The following NME7 variants were observed in gnomAD, a reference collection of about 807,000 sequenced individuals.
NME7 encodes NME/NM23 family member 7, also known as nucleoside diphosphate kinase 7.
A neutral mutation model predicts 49.1 loss-of-function variants in NME7; 41 were observed. The ratio of observed to expected loss-of-function variants is 0.83; its 90% CI spans 0.65 to 1.08. The LOEUF is 1.08. Among genes scored for constraint, NME7 ranks in the 50% least tolerant of loss-of-function variants. NME7 has a pLI of 0.00. For synonymous variants in NME7, 139 were observed against 150.6 expected (o/e 0.92, Z 0.56); for missense variants, 423 against 463.4 (o/e 0.91, Z 0.80).
In NME7 at chr1:169,275,749, T is replaced by A. The variant is rs937172936; in HGVS notation, c.754+11554A>T. Among the ~76,000 whole-genome samples the A allele has an allele frequency of 6.0e-5, 8 of 133,148 alleles. 2 individuals are homozygous for A. Among genetic ancestry groups the A allele is most frequent in the African/African-American group, 2.0e-4 (8 of 39,424 alleles). 87.4% of individuals were successfully genotyped at this position (133,148 alleles called of 152,430 possible). ...TGAATAGGAGTGGTGAGAGAGGGCA[T>A]CCCTGTCCTGTGCCAGTTTTCAAAT... is the stretch of plus-strand genomic sequence containing the variant. On this transcript the variant is annotated intron_variant, in intron 7 of 11. Transcript: ENST00000367811.
chr1:169,306,944 T>C lies in NME7; in HGVS notation c.389+3026A>G, dbSNP rs190474425. ...AAAGCAAATAGAGCAGAGCCCTGGA[T>C]GATCACTGACAGAGATGTTGAAGTC... is the stretch of plus-strand genomic sequence containing the variant. On this transcript the variant is annotated intron_variant, in intron 4 of 11. Coordinates refer to ENST00000367811, the MANE Select transcript of NME7 (RefSeq NM_013330.5). Among the ~76,000 whole-genome samples, 387 of 152,278 alleles carry C rather than the reference T, an allele frequency of 2.5e-3. 10 individuals carry two copies. The highest frequency in any genetic ancestry group is 0.023 in the Admixed American group (350 of 15,286).
chr1:169,212,549 C>T (rs1660856199), intron 10 of NME7, among the ~76,000 whole-genome samples: 1 of 150,932 alleles, frequency 6.6e-6, no homozygotes, highest in African/African-American at 2.4e-5. Context: ...AGGTGACACT[C>T]TCTGCCTTCT....
chr1:169,146,520 C>T (rs372453806), intron 11 of NME7, among the ~76,000 whole-genome samples: 1 of 152,156 alleles, frequency 6.6e-6, no homozygotes, highest in African/African-American at 2.4e-5. Context: ...CTTTAAATCC[C>T]AGTGACCTCT....
chr1:169,273,730 C>A lies in NME7; in HGVS notation c.754+13573G>T, dbSNP rs1245600084. ...TGCGGTGTTTGGTTTTTTGTCCTTGCGATAGTTTACTGAGAATGATGATTT... is the reference window on the plus strand; with the variant it reads ...TGCGGTGTTTGGTTTTTTGTCCTTGAGATAGTTTACTGAGAATGATGATTT... On this transcript the variant is annotated intron_variant, in intron 7 of 11. Transcript: ENST00000367811. Among the ~76,000 whole-genome samples the A allele has an allele frequency of 4.2e-5, 5 of 119,538 alleles. 2 individuals are homozygous for A. Among genetic ancestry groups the A allele is most frequent in the Non-Finnish European group, 9.9e-5 (5 of 50,658 alleles). The allele number at this position is 119,538 out of a possible 152,430, so 78.4% of individuals were successfully genotyped here. A position where few individuals can be genotyped will look rare whatever the true frequency, so the allele number is the denominator to read the frequency against.
rs918551177 is a variant in NME7, at chr1:169,259,590, G to A, written c.755-21903C>T. On this transcript the variant is annotated intron_variant, in intron 7 of 11. Transcript: ENST00000367811. ...AATTTTTCTACTAAGATGAATTCCT[G>A]AGTAAAACTTAGCATTTCCCACCTC... 3.0e-5 allele frequency among the ~76,000 whole-genome samples: 4 copies of A among 133,746 alleles called. 1 individual carries two copies. Among genetic ancestry groups the A allele is most frequent in the Non-Finnish European group, 7.0e-5 (4 of 56,872 alleles). The allele number at this position is 133,746 out of a possible 152,430, so 87.7% of individuals were successfully genotyped here. A position where few individuals can be genotyped will look rare whatever the true frequency, so the allele number is the denominator to read the frequency against.
In NME7 at chr1:169,261,804, G is replaced by GA. The variant is rs1405271539; in HGVS notation, c.755-24118dup. ...TCTTGGGCTCTACTCCAGATATACTGAAAAAAGATTCTAAAATTAGGGTCC... is the reference window on the plus strand; with the variant it reads ...TCTTGGGCTCTACTCCAGATATACTGAAAAAAAGATTCTAAAATTAGGGTCC... On this transcript the variant is annotated intron_variant, in intron 7 of 11. Coordinates refer to ENST00000367811, the MANE Select transcript of NME7 (RefSeq NM_013330.5). 2.3e-5 allele frequency among the ~76,000 whole-genome samples: 3 copies of GA among 133,278 alleles called. 1 individual carries two copies. The highest frequency in any genetic ancestry group is 7.6e-5 in the African/African-American group (3 of 39,424). 87.4% of individuals were successfully genotyped at this position (133,278 alleles called of 152,430 possible).
intron 6 of NME7, among the ~76,000 whole-genome samples, chr1:169,295,751 T>C (rs563344766): frequency 3.9e-5 from 6 of 152,298 alleles, no homozygotes; most frequent in East Asian, 1.9e-4. Context: ...TAATTCAGTA[T>C]AGCAATCACA....
At chr1:169,325,398 T>C (rs1418467631) in intron 1 of NME7, among the ~76,000 whole-genome samples, 1 of 152,108 alleles carries the variant, frequency 6.6e-6, no homozygotes, top group Admixed American at 6.5e-5. Context: ...GAACAGCAGC[T>C]GGGACCCTTG....
intron 7 of NME7, among the ~76,000 whole-genome samples, chr1:169,240,264 G>A (rs751073117): frequency 1.3e-5 from 2 of 151,682 alleles, no homozygotes; most frequent in Non-Finnish European, 2.9e-5. Context: ...TAAGCCAAAA[G>A]GTCAGGAAGA....
chr1:169,342,540 ATATAG>A lies in NME7; in HGVS notation c.4-18045_4-18041del, dbSNP rs1410493027. On this transcript the variant is annotated intron_variant, in intron 1 of 11. Coordinates refer to ENST00000367811, the MANE Select transcript of NME7 (RefSeq NM_013330.5). The stretch of plus-strand genomic sequence containing the variant: ...ATAGTATATATATACAAGTACATAT[ATATAG>A]TATATATATATATACAAGTACATAT... 4.7e-5 allele frequency among the ~76,000 whole-genome samples: 6 copies of A among 127,788 alleles called. 1 individual carries two copies. The Admixed American group carries it at 5.5e-4, about 12-fold the overall frequency. The allele number at this position is 127,788 out of a possible 152,430, so 83.8% of individuals were successfully genotyped here. A position where few individuals can be genotyped will look rare whatever the true frequency, so the allele number is the denominator to read the frequency against.
intron 10 of NME7, among the ~76,000 whole-genome samples, chr1:169,179,475 T>C (rs1212596827): frequency 1.3e-5 from 2 of 152,210 alleles, no homozygotes; most frequent in African/African-American, 4.8e-5. Flanking sequence ...CTCAAAGGAA[T>C]ATAAACTGTT....
intron 8 of NME7, among the ~76,000 whole-genome samples, chr1:169,236,908 C>G (rs865996875): frequency 2.6e-5 from 4 of 152,036 alleles, no homozygotes; most frequent in East Asian, 1.9e-4. Flanking sequence ...ATCAAAAAAG[C>G]ACAAACTTGC....
intron 2 of NME7, 39 bp downstream of exon 2, chr1:169,324,354 C>T (rs1410264006): frequency 7.7e-7 from 1 of 1,293,426 alleles, no homozygotes; most frequent in African/African-American, 1.5e-5. Flanking sequence ...CCATGTTCAC[C>T]CCCTTTGCCA....
intron 7 of NME7, among the ~76,000 whole-genome samples, chr1:169,277,895 C>A (rs1344655845): frequency 7.2e-6 from 1 of 138,122 alleles, no homozygotes; most frequent in Non-Finnish European, 1.6e-5. Context: ...GTGACAAAAT[C>A]TCTCAGCATT....
chr1:169,147,611 A>G (rs1658795736), intron 11 of NME7, among the ~76,000 whole-genome samples: 2 of 139,756 alleles, frequency 1.4e-5, no homozygotes, highest in Admixed American at 1.4e-4. Context: ...TATACATAAA[A>G]ATAAAAAATC....
intron 1 of NME7, among the ~76,000 whole-genome samples, chr1:169,339,060 A>AT: frequency 6.6e-6 from 1 of 152,274 alleles, no homozygotes; most frequent in Middle Eastern, 3.4e-3. Context: ...GGGACCATAA[A>AT]ATACTCAAAT....
intron 7 of NME7, among the ~76,000 whole-genome samples, chr1:169,269,518 A>G (rs1489685297): frequency 7.5e-6 from 1 of 133,844 alleles, no homozygotes; most frequent in African/African-American, 2.5e-5. Context: ...GAAGGAAATC[A>G]AATATGAAAA....
chr1:169,319,479 CT>C (rs1651774706), intron 3 of NME7, among the ~76,000 whole-genome samples: 1 of 152,160 alleles, frequency 6.6e-6, no homozygotes, highest in Non-Finnish European at 1.5e-5. Flanking sequence ...TTAGGTCAAT[CT>C]CCCTACCTCC....
chr1:169,318,657 G>A (rs889461316), intron 3 of NME7, among the ~76,000 whole-genome samples: 17 of 152,026 alleles, frequency 1.1e-4, no homozygotes, highest in African/African-American at 3.9e-4. Flanking sequence ...ACATGGAAAC[G>A]TTCAGGAAAA....
Sources: allele counts gnomAD v4.1 joint callset (sites outside exome capture counted in the v4.1 genomes callset), GRCh38; gene constraint gnomAD v4.1.1; transcripts MANE v1.5; gene names NCBI Gene and HGNC (gene_info 2026-07-23, HGNC 2026-07-21).